NIBAN1: variants seen among roughly 807,000 people sequenced by gnomAD.
NIBAN1 encodes niban apoptosis regulator 1.
NIBAN1 carries 81 observed loss-of-function variants against 75.1 expected under a neutral mutation model. The observed-to-expected ratio is 1.08, with a 90% confidence interval of 0.90 to 1.30. The LOEUF is 1.30. NIBAN1 is among the 50% of genes most tolerant of loss of function. The pLI, the probability that NIBAN1 is intolerant of heterozygous loss-of-function variation, is 0.00. For missense variants in NIBAN1, 1,133 were observed against 1,128.1 expected (o/e 1.00, Z -0.06); for synonymous variants, 436 against 424.8 (o/e 1.03, Z -0.32).
chr1:184,844,556 T>C (rs1445285755), intron 5 of NIBAN1, among the ~76,000 whole-genome samples: 2 of 152,152 alleles, frequency 1.3e-5, no homozygotes, highest in African/African-American at 4.8e-5. Context: ...ATCGAAGAAG[T>C]TTATGTCATT....
Position 184,831,833 on chromosome 1 carries a change from G to T in NIBAN1, c.717+14C>A. The stretch of plus-strand genomic sequence containing the variant: ...AAACACAGAGAGAATCCAAAATTTT[G>T]AACCCCATATTACCTGGATTTCATC... On this transcript the variant is annotated intron_variant, in intron 6 of 13. Coordinates refer to ENST00000367511, the MANE Select transcript of NIBAN1 (RefSeq NM_052966.4). The T allele has an allele frequency of 6.3e-7, 1 of 1,596,252 alleles. No individual in the cohort carries two copies. The highest frequency in any genetic ancestry group is 8.6e-7 in the Non-Finnish European group (1 of 1,164,794).
intron 5 of NIBAN1, among the ~76,000 whole-genome samples, chr1:184,861,159 G>C (rs923706287): frequency 1.3e-5 from 2 of 152,160 alleles, no homozygotes; most frequent in Non-Finnish European, 2.9e-5. Context: ...AAATACCTAG[G>C]CAAATGGTGT....
rs556821319 is a variant in NIBAN1, at chr1:184,867,819, G to GC, written c.601+16813dup. 8.5e-4 allele frequency: 833 copies of GC among 977,204 alleles called. 6 individuals are homozygous for GC. The African/African-American group carries it at 0.014, about 16-fold the overall frequency. 60.5% of individuals were successfully genotyped at this position (977,204 alleles called of 1,614,324 possible). On this transcript the variant is annotated intron_variant, in intron 5 of 13. Coordinates refer to ENST00000367511, the MANE Select transcript of NIBAN1 (RefSeq NM_052966.4). The stretch of plus-strand genomic sequence containing the variant: ...AATGACTGTGTTTTCGGTTTGTTTT[G>GC]CCCCCAGCATCTAAGACAATGTTCT...
intron 1 of NIBAN1, among the ~76,000 whole-genome samples, chr1:184,944,522 T>C (rs1178371991): frequency 6.6e-6 from 1 of 152,234 alleles, no homozygotes; most frequent in Non-Finnish European, 1.5e-5. Flanking sequence ...ATATTTTCTG[T>C]TTGATGCCTT....
At chr1:184,886,747 G>T (rs1254370229) in intron 4 of NIBAN1, among the ~76,000 whole-genome samples, 3 of 152,126 alleles carry the variant, frequency 2.0e-5, no homozygotes, top group South Asian at 2.1e-4. Flanking sequence ...AAGGAAGAAG[G>T]TCTCTCTAAG....
At chr1:184,870,896 A>G (rs1656089422) in intron 5 of NIBAN1, among the ~76,000 whole-genome samples, 1 of 152,084 alleles carries the variant, frequency 6.6e-6, no homozygotes, top group Admixed American at 6.5e-5. Flanking sequence ...TGAATTGTAT[A>G]CCCCCCAAAT....
chr1:184,912,311 T>G (rs914790248), intron 1 of NIBAN1, among the ~76,000 whole-genome samples: 1 of 152,212 alleles, frequency 6.6e-6, no homozygotes, highest in East Asian at 1.9e-4. Context: ...TCAATGCTGA[T>G]GTGAACATTG....
At chr1:184,962,968 G>T (rs1658690152) in intron 1 of NIBAN1, among the ~76,000 whole-genome samples, 1 of 151,826 alleles carries the variant, frequency 6.6e-6, no homozygotes, top group Non-Finnish European at 1.5e-5. Flanking sequence ...GCTAATAAAT[G>T]AAAACAAAAT....
intron 5 of NIBAN1, among the ~76,000 whole-genome samples, chr1:184,875,211 T>A (rs933712019): frequency 3.3e-5 from 5 of 152,210 alleles, no homozygotes; most frequent in African/African-American, 1.2e-4. Flanking sequence ...AAATGGCCGA[T>A]GACTAATGAG....
At chr1:184,813,199 TTCTG>T (rs569145415) in intron 9 of NIBAN1, among the ~76,000 whole-genome samples, 209 of 152,338 alleles carry the variant, frequency 1.4e-3, no homozygotes, top group African/African-American at 4.4e-3. Context: ...TGTAATGTTC[TTCTG>T]TCTGTCTGTC....
intron 10 of NIBAN1, among the ~76,000 whole-genome samples, chr1:184,806,934 A>AT (rs1241159571): frequency 4.6e-5 from 7 of 151,730 alleles, no homozygotes; most frequent in South Asian, 2.1e-4. Context: ...TGCCCAGCTA[A>AT]TTTTTTTGTA....
At position 184,952,622 on chromosome 1, in the gene NIBAN1, T is replaced by C. The variant is rs1374700593; in HGVS notation, c.55+21680A>G. On this transcript the variant is annotated intron_variant, in intron 1 of 13. Transcript: ENST00000367511. ...ATAATGTTTTAGGAAAGTTTACAAA[T>C]TTGTGTTGGGCCACATTCAAAGCCT... Among the ~76,000 whole-genome samples, 4 of 152,310 alleles carry C rather than the reference T, an allele frequency of 2.6e-5. No individual in the cohort carries two copies. The East Asian group carries it at 5.8e-4, about 22-fold the overall frequency.
intron 1 of NIBAN1, among the ~76,000 whole-genome samples, chr1:184,909,234 T>A (rs901918752): frequency 6.6e-6 from 1 of 152,220 alleles, no homozygotes; most frequent in Non-Finnish European, 1.5e-5. Context: ...CCCAGGAATT[T>A]CAGTGATTTC....
At chr1:184,816,861 A>T (rs957934421) in intron 9 of NIBAN1, among the ~76,000 whole-genome samples, 6 of 147,554 alleles carry the variant, frequency 4.1e-5, no homozygotes, top group African/African-American at 1.6e-4. Context: ...AAAGGGGGGA[A>T]TTATTATTAT....
intron 8 of NIBAN1, among the ~76,000 whole-genome samples, chr1:184,822,355 G>A (rs995094777): frequency 6.6e-6 from 1 of 152,156 alleles, no homozygotes; most frequent in Non-Finnish European, 1.5e-5. Context: ...TTCTGTAAAG[G>A]ACCAAATAGT....
At chr1:184,942,231 A>G (rs929770422) in intron 1 of NIBAN1, among the ~76,000 whole-genome samples, 2 of 152,286 alleles carry the variant, frequency 1.3e-5, no homozygotes, top group Non-Finnish European at 2.9e-5. Flanking sequence ...AACTATCAGA[A>G]AAAGAACTTG....
At chr1:184,935,424 C>T (rs1025442125) in intron 1 of NIBAN1, among the ~76,000 whole-genome samples, 2 of 152,108 alleles carry the variant, frequency 1.3e-5, no homozygotes, top group Non-Finnish European at 2.9e-5. Context: ...GCGAAGATCA[C>T]TTGAGCCCAG....
chr1:184,940,924 A>T (rs1376692530), intron 1 of NIBAN1, among the ~76,000 whole-genome samples: 2 of 152,220 alleles, frequency 1.3e-5, no homozygotes, highest in Non-Finnish European at 2.9e-5. Context: ...TACATCTCCT[A>T]GCGGGTTAAG....
chr1:184,907,961 C>G (rs1366464445), intron 1 of NIBAN1, among the ~76,000 whole-genome samples: 2 of 152,126 alleles, frequency 1.3e-5, no homozygotes, highest in Non-Finnish European at 2.9e-5. Context: ...CAAAGAGAAA[C>G]AAACAAACAC....
Sources: gnomAD v4.1 joint callset for allele counts (sites outside exome capture counted in the v4.1 genomes callset) on GRCh38, gnomAD v4.1.1 for gene constraint, MANE v1.5 for transcripts, NCBI Gene and HGNC (gene_info 2026-07-23, HGNC 2026-07-21) for gene names.